Variants in ZNF273 observed in about 807,000 individuals in gnomAD.
The protein encoded by ZNF273 is zinc finger protein 9.
Under a neutral mutation model 14.9 loss-of-function variants are expected in ZNF273, and 11 were observed. The observed-to-expected ratio is 0.74, with a 90% CI of 0.46 to 1.22. The LOEUF (loss-of-function observed/expected upper bound fraction) is 1.22. Ranked by LOEUF, ZNF273 falls within the 50% of genes most tolerant of loss-of-function variation. The pLI is 0.00. For synonymous variants in ZNF273, 199 were observed against 223.9 expected, an observed-to-expected ratio of 0.89 and a Z score of 0.99; for missense variants, 577 against 660.6, an observed-to-expected ratio of 0.87 and a Z score of 1.39.
downstream of ZNF273, among the ~76,000 whole-genome samples, chr7:64,881,924 A>G (rs1453445075): frequency 6.6e-6 from 1 of 152,178 alleles, no homozygotes; most frequent in Non-Finnish European, 1.5e-5. Flanking sequence ...TCAGTCTTGC[A>G]ATCGCTGTAG....
downstream of ZNF273, chr7:64,893,689 C>A (rs1583968171): frequency 8.5e-5 from 1 of 11,822 alleles, no homozygotes; most frequent in South Asian, 4.1e-3. Context: ...CCCTCCCCTC[C>A]CCCTCCCCTC....
chr7:64,935,467 T>G (rs1336976175), downstream of ZNF273, among the ~76,000 whole-genome samples: 2 of 152,196 alleles, frequency 1.3e-5, no homozygotes, highest in East Asian at 3.8e-4. Context: ...TTCAGAGATT[T>G]ATCATGTATT....
At chr7:64,901,995 G>A (rs1000376911), upstream of ZNF273, among the ~76,000 whole-genome samples, 2 of 150,868 alleles carry the variant, frequency 1.3e-5, no homozygotes, top group African/African-American at 4.9e-5. Context: ...AGGCCAAGGC[G>A]GGCAGATCAC....
At chr7:64,900,182 A>AGTT (rs1792610728), upstream of ZNF273, among the ~76,000 whole-genome samples, 1 of 149,450 alleles carries the variant, frequency 6.7e-6, no homozygotes, top group South Asian at 2.1e-4. Flanking sequence ...GCTGGAGTGC[A>AGTT]GTTGTGTAAT....
intron 1 of ZNF273, among the ~76,000 whole-genome samples, chr7:64,911,951 A>G (rs1319899125): frequency 1.3e-5 from 2 of 152,168 alleles, no homozygotes. Context: ...GTTTCAAAAA[A>G]CTTCTTGATT....
intron 1 of ZNF273, among the ~76,000 whole-genome samples, chr7:64,912,821 T>G (rs2129069896): frequency 1.2e-5 from 1 of 86,780 alleles, no homozygotes; most frequent in South Asian, 5.0e-4. Flanking sequence ...TCAGGATTCA[T>G]TTTAGTTTTT....
chr7:64,924,507 TCACA>T, intron 3 of ZNF273: 2 of 123,724 alleles, frequency 1.6e-5, no homozygotes, highest in South Asian at 5.3e-4. Flanking sequence ...AGACACACAC[TCACA>T]CATACACACA....
chr7:64,913,810 A>G (rs2129072959), intron 1 of ZNF273, among the ~76,000 whole-genome samples: 1 of 152,306 alleles, frequency 6.6e-6, no homozygotes, highest in South Asian at 2.1e-4. Flanking sequence ...AAAATTACGA[A>G]GTGATTTATA....
Position 64,878,608 on chromosome 7 carries a change from T to C in ZNF273, n.330+113T>C, listed in dbSNP as rs1244695689. 3 of 152,220 alleles carry C rather than the reference T, an allele frequency of 2.0e-5. No homozygotes were observed. In the East Asian group the frequency reaches 5.8e-4, roughly 29 times the overall value. The allele number at this position is 152,220 out of a possible 1,614,324, so 9.4% of individuals were successfully genotyped here. A position where few individuals can be genotyped will look rare whatever the true frequency, so the allele number is the denominator to read the frequency against. On this transcript the variant is annotated intron_variant and non_coding_transcript_variant, in intron 2 of 2. Coordinates refer to the ZNF273 transcript ENST00000465954. ...CAACTCTAGTCCTGCATTCCCTTCA[T>C]TGCAGAAGCTTTGCACACCGTAGCC... is the stretch of plus-strand genomic sequence containing the variant.
intron 1 of ZNF273, among the ~76,000 whole-genome samples, chr7:64,906,223 A>C (rs1038519339): frequency 6.6e-6 from 1 of 152,210 alleles, no homozygotes; most frequent in Non-Finnish European, 1.5e-5. Context: ...TGCAGAGTAC[A>C]TTTGTAACAG....
At chr7:64,918,881 C>T (rs1418864552) in intron 3 of ZNF273, among the ~76,000 whole-genome samples, 3 of 152,002 alleles carry the variant, frequency 2.0e-5, no homozygotes, top group Non-Finnish European at 2.9e-5. Flanking sequence ...TAGGAAACTG[C>T]ACAATCTTAC....
chr7:64,916,942 C>A (rs1158313751), intron 1 of ZNF273: 2 of 1,145,886 alleles, frequency 1.7e-6, no homozygotes, highest in African/African-American at 3.3e-5. Context: ...TAAACCATCA[C>A]ATTTAATCTG....
downstream of ZNF273, among the ~76,000 whole-genome samples, chr7:64,894,846 C>T (rs1473979688): frequency 6.6e-6 from 1 of 151,898 alleles, no homozygotes; most frequent in Non-Finnish European, 1.5e-5. Flanking sequence ...TACGAAAGAT[C>T]GGGCCGGGCA....
Position 64,918,296 on chromosome 7 carries a change from G to A in ZNF273, c.325+4G>A, listed in dbSNP as rs1250343471. On this transcript the variant is annotated splice_donor_region_variant and intron_variant, in intron 3 of 3. Transcript: ENST00000476120. ...GCGATGGTAGCCAAACCCCCAGGTA[G>A]GTGAGAGTGATAGCGAATATAACAG... is the stretch of plus-strand genomic sequence containing the variant. 6.4e-7 allele frequency: 1 copy of A among 1,553,286 alleles called. No individual in the cohort carries two copies. The highest frequency in any genetic ancestry group is 1.7e-5 in the Admixed American group (1 of 57,528).
At chr7:64,921,584 A>G (rs1436257811) in intron 3 of ZNF273, among the ~76,000 whole-genome samples, 1 of 125,928 alleles carries the variant, frequency 7.9e-6, no homozygotes, top group African/African-American at 2.9e-5. Flanking sequence ...ATATAATATC[A>G]ATCTTTGCTT....
downstream of ZNF273, among the ~76,000 whole-genome samples, chr7:64,881,960 C>G (rs550244224): frequency 6.6e-6 from 1 of 152,310 alleles, no homozygotes; most frequent in Admixed American, 6.5e-5. Flanking sequence ...CTCTCTGATC[C>G]TCACGTGCCC....
rs777784377 is a variant in ZNF273, at chr7:64,929,070, G to A, written c.*32G>A. 1.2e-4 allele frequency: 145 copies of A among 1,258,256 alleles called. No homozygotes were observed. Among genetic ancestry groups the A allele is most frequent in the South Asian group, 7.3e-4 (34 of 46,812 alleles). 77.9% of individuals were successfully genotyped at this position (1,258,256 alleles called of 1,614,324 possible). On this transcript the variant is annotated 3_prime_UTR_variant, in exon 4 of 4. Transcript: ENST00000476120. ...GAAGAATGTGACAAAGCCTTTAAGC[G>A]GTTGTCACACTTGATTGTATATAAG...
upstream of ZNF273, among the ~76,000 whole-genome samples, chr7:64,898,898 A>C (rs1393471037): frequency 6.6e-6 from 1 of 152,244 alleles, no homozygotes; most frequent in Non-Finnish European, 1.5e-5. Context: ...TTGGCAGCTA[A>C]TGGCATTTGT....
Position 64,927,915 on chromosome 7 carries a change from A to G in ZNF273, c.587A>G (p.His196Arg). The change falls in exon 4 of 4, where the codon CAT becomes CGT. Residue 196 changes from histidine to arginine, a missense_variant. Coordinates refer to ENST00000476120, the MANE Select transcript of ZNF273 (RefSeq NM_021148.3). The stretch of plus-strand genomic sequence containing the variant: ...CATAAATTCTCAAATTCAAATATAC[A>G]TAAGAAAAGACAAACTGGAAAGAAA... ...VLHKFSNSNI[H>R]KKRQTGKKPF... The G allele has an allele frequency of 1.9e-6, 3 of 1,613,512 alleles. No homozygotes were observed. Among genetic ancestry groups the G allele is most frequent in the Non-Finnish European group, 2.5e-6 (3 of 1,179,818 alleles).
Sources: allele counts gnomAD v4.1 joint callset (sites outside exome capture counted in the v4.1 genomes callset), GRCh38; gene constraint gnomAD v4.1.1; transcripts MANE v1.5; gene names NCBI Gene and HGNC (gene_info 2026-07-23, HGNC 2026-07-21).